The following KPNA2 variants were observed in gnomAD, a reference collection of about 807,000 sequenced individuals.
KPNA2 encodes importin subunit alpha-1.
A neutral mutation model predicts 53.7 loss-of-function variants in KPNA2; 20 were observed. The ratio of observed to expected loss-of-function variants is 0.37; its 90% confidence interval spans 0.26 to 0.54. KPNA2 has a LOEUF of 0.54. KPNA2 is among the 20% of genes least tolerant of loss of function. The probability of loss-of-function intolerance (pLI) is 0.83; values close to 1 mark genes in which losing one functional copy is unlikely to be tolerated. For missense variants in KPNA2, 515 were observed against 640.3 expected, an observed-to-expected ratio of 0.80 and a Z score of 2.11; for synonymous variants, 238 against 227.5, an observed-to-expected ratio of 1.05 and a Z score of -0.42.
intron 1 of KPNA2, 118 bp from the exon 2 acceptor site, chr17:68,036,992 C>T: frequency 1.4e-6 from 1 of 730,310 alleles, no homozygotes; most frequent in Non-Finnish European, 2.4e-6. Flanking sequence ...ATGATGATCC[C>T]CCCTCTAGTA....
chr17:68,042,399 T>G (rs922693260), intron 5 of KPNA2, 46 bp downstream of exon 5: 8 of 1,585,466 alleles, frequency 5.0e-6, no homozygotes, highest in Non-Finnish European at 5.2e-6. Flanking sequence ...CTAATCGTAA[T>G]TAGTTGGAAG....
At chr17:68,045,706 G>C (rs531123220) in intron 9 of KPNA2, 66 bp from the exon 10 acceptor site, 65 of 1,176,264 alleles carry the variant, frequency 5.5e-5, no homozygotes, top group Non-Finnish European at 7.5e-5. Context: ...TCAAATTATT[G>C]ATGTTTTCTT....
At chr17:68,041,623 G>A (rs1456333411) in intron 4 of KPNA2, among the ~76,000 whole-genome samples, 2 of 152,150 alleles carry the variant, frequency 1.3e-5, no homozygotes, top group African/African-American at 2.4e-5. Context: ...CTACTAAGGA[G>A]GCTGAGGTGG....
At chr17:68,037,065 A>G (rs1387041227) in intron 1 of KPNA2, 45 bp from the exon 2 acceptor site, 1 of 1,266,078 alleles carries the variant, frequency 7.9e-7, no homozygotes, top group Non-Finnish European at 1.2e-6. Flanking sequence ...TTATTGACAA[A>G]GGAAAATGAT....
At chr17:68,044,544 A>T in intron 9 of KPNA2, 41 bp downstream of exon 9, 1 of 1,535,900 alleles carries the variant, frequency 6.5e-7, no homozygotes, top group Non-Finnish European at 9.0e-7. Flanking sequence ...TTTGGACTTG[A>T]TAATAATCAG....
At chr17:68,046,444 G>A (rs1189012949) in intron 10 of KPNA2, 60 bp from the exon 11 acceptor site, 1 of 1,012,190 alleles carries the variant, frequency 9.9e-7, no homozygotes, top group Non-Finnish European at 1.5e-6. Flanking sequence ...CAGACTTCAG[G>A]TAGGCTGCTG....
At position 68,042,813 on chromosome 17, in the gene KPNA2, G is replaced by A. The variant is rs1489946383; in HGVS notation, c.572-92G>A. On this transcript the variant is annotated intron_variant, in intron 5 of 10. Coordinates refer to ENST00000330459, the MANE Select transcript of KPNA2 (RefSeq NM_002266.4). ...CAGGAGGCGGAGCTTGCAGTGAGCC[G>A]AGATCGCGCCACTGCACTCCAGCCT... 5.5e-5 allele frequency: 53 copies of A among 955,020 alleles called. No homozygotes were observed. In the Admixed American group the frequency reaches 9.3e-4, roughly 17 times the overall value. The allele number at this position is 955,020 out of a possible 1,614,324, so 59.2% of individuals were successfully genotyped here. A position where few individuals can be genotyped will look rare whatever the true frequency, so the allele number is the denominator to read the frequency against.
chr17:68,045,848 C>T lies in KPNA2; in HGVS notation c.1424C>T (p.Ala475Val), dbSNP rs1452028946. 1 of 1,606,642 alleles carries T rather than the reference C, an allele frequency of 6.2e-7. No individual in the cohort carries two copies. The highest frequency in any genetic ancestry group is 1.3e-5 in the African/African-American group (1 of 74,648). The change falls in exon 10 of 11, where the codon GCT (alanine) becomes GTT (valine). Residue 475 changes from alanine (A) to valine (V), a missense_variant. Physicochemically the swap from Ala to Val is moderately conservative, Grantham distance 64. Transcript: ENST00000330459. ...TGTGGAGGCTTAGACAAAATTGAAG[C>T]TCTACAAAACCATGAAAATGAGTCT... ...EECGGLDKIE[A>V]LQNHENESVY...
chr17:68,037,183 C>T lies in KPNA2; in HGVS notation c.51C>T (p.Phe17=), dbSNP rs782737297. The T allele has an allele frequency of 6.8e-6, 11 of 1,612,926 alleles. No homozygotes were observed. The highest frequency in any genetic ancestry group is 9.3e-6 in the Non-Finnish European group (11 of 1,179,542). Reference sequence around the variant, plus strand: ...CACCAGCTGCCCGTCTTCACAGATTCAAGAACAAGGGAAAAGACAGTACAG... The same window carrying T: ...CACCAGCTGCCCGTCTTCACAGATTTAAGAACAAGGGAAAAGACAGTACAG... ...ANTPAARLHR[F]KNKGKDSTEM... Residue 17 remains phenylalanine (F), a synonymous_variant, in exon 2 of 11, where the codon TTC becomes TTT. Coordinates refer to ENST00000330459, the MANE Select transcript of KPNA2 (RefSeq NM_002266.4).
chr17:68,043,084 A>AT lies in KPNA2; in HGVS notation c.667-8dup, dbSNP rs199567873. On this transcript the variant is annotated splice_polypyrimidine_tract_variant and intron_variant, in intron 6 of 10. Transcript: ENST00000330459. ...CAAAAGACAGAACCTCTCATTGCCT[A>AT]TTTTTTTTCCCCCAGTGTGGCTACT... is the stretch of plus-strand genomic sequence containing the variant. 5.6e-6 allele frequency: 9 copies of AT among 1,612,536 alleles called. No homozygotes were observed. The highest frequency in any genetic ancestry group is 6.8e-6 in the Non-Finnish European group (8 of 1,179,214).
rs782239692 is a variant in KPNA2 at position 68,040,719 on chromosome 17, A to G, written c.255A>G (p.Ile85Met). The change falls in exon 4 of 11, where the codon ATA becomes ATG. Residue 85 changes from isoleucine (I) to methionine (M), a missense_variant. Transcript: ENST00000330459. Reference sequence around the variant, plus strand: ...CTGTTGATGACATTGTCAAAGGCATAAATAGCAGCAATGTGGAAAATCAGC... The same window carrying G: ...CTGTTGATGACATTGTCAAAGGCATGAATAGCAGCAATGTGGAAAATCAGC... ...NWSVDDIVKG[I>M]NSSNVENQLQ... 1.1e-5 allele frequency: 18 copies of G among 1,613,768 alleles called. No individual in the cohort carries two copies. In the African/African-American group the frequency reaches 2.4e-4, roughly 22 times the overall value.
At position 68,037,460 on chromosome 17, in the gene KPNA2, G is replaced by A. The variant is rs1555703944; in HGVS notation, c.178G>A (p.Ala60Thr). 1 of 1,613,830 alleles carries A rather than the reference G, an allele frequency of 6.2e-7. No individual in the cohort carries two copies. The highest frequency in any genetic ancestry group is 1.7e-5 in the Admixed American group (1 of 59,910). The change falls in exon 3 of 11, where the codon GCT (alanine) becomes ACT (threonine). Residue 60 changes from alanine (A) to threonine (T), a missense_variant. By Grantham distance (58) the Ala-to-Thr change is moderately conservative. Coordinates refer to ENST00000330459, the MANE Select transcript of KPNA2 (RefSeq NM_002266.4). ...RRNVSSFPDD[A>T]TSPLQENRNN... ...AAATGTAAGCTCATTTCCTGATGATGCTACTTCTCCGCTGCAGGAAAACCG... is the reference window on the plus strand; with the variant it reads ...AAATGTAAGCTCATTTCCTGATGATACTACTTCTCCGCTGCAGGAAAACCG...
intron 1 of KPNA2, 44 bp from the exon 2 acceptor site, chr17:68,037,066 G>A: frequency 3.1e-6 from 4 of 1,280,164 alleles, no homozygotes; most frequent in Admixed American, 3.5e-5. Context: ...TATTGACAAA[G>A]GAAAATGATA....
chr17:68,042,001 T>C, intron 4 of KPNA2, 84 bp from the exon 5 acceptor site: 1 of 1,213,552 alleles, frequency 8.2e-7, no homozygotes, highest in South Asian at 1.5e-5. Context: ...TCTAAACTCT[T>C]GAATTGCATT....
At chr17:68,036,196 T>TGGCA in intron 1 of KPNA2, 1 of 151,956 alleles carries the variant, frequency 6.6e-6, no homozygotes. Flanking sequence ...GGGCTGGGGG[T>TGGCA]GGCAGTTGGG....
chr17:68,038,571 T>C (rs1555704092), intron 3 of KPNA2, among the ~76,000 whole-genome samples: 1 of 152,218 alleles, frequency 6.6e-6, no homozygotes, highest in Non-Finnish European at 1.5e-5. Context: ...GAAGTACTGC[T>C]TTAGACCTGT....
intron 7 of KPNA2, 54 bp downstream of exon 7, chr17:68,043,417 T>C: frequency 3.8e-6 from 6 of 1,568,600 alleles, no homozygotes; most frequent in Non-Finnish European, 5.2e-6. Context: ...TGATCAGGGC[T>C]GGGCGTGGTA....
At chr17:68,044,210 A>T in intron 8 of KPNA2, 111 bp from the exon 9 acceptor site, 1 of 1,298,446 alleles carries the variant, frequency 7.7e-7, no homozygotes, top group Non-Finnish European at 1.1e-6. Flanking sequence ...CCTTTTACTT[A>T]AGGTTGGATA....
rs2071335476 is a variant in KPNA2, at chr17:68,046,693, C to T, written c.*97C>T. 1 of 783,198 alleles carries T rather than the reference C, an allele frequency of 1.3e-6. No homozygotes were observed. The highest frequency in any genetic ancestry group is 2.2e-6 in the Non-Finnish European group (1 of 454,146). The allele number at this position is 783,198 out of a possible 1,614,324, so 48.5% of individuals were successfully genotyped here. On this transcript the variant is annotated 3_prime_UTR_variant, in exon 11 of 11. Transcript: ENST00000330459. ...ACTCTTTCTTAAATGTGGTTTGTTA[C>T]TGTAGCACTTTTTACACTGAAACTA... is the stretch of plus-strand genomic sequence containing the variant.
Sources: gnomAD v4.1 joint callset for allele counts (sites outside exome capture counted in the v4.1 genomes callset) on GRCh38, gnomAD v4.1.1 for gene constraint, MANE v1.5 for transcripts, NCBI Gene and HGNC (gene_info 2026-07-23, HGNC 2026-07-21) for gene names.